The following ROBO1 variants were observed in gnomAD, a reference collection of about 807,000 sequenced individuals.
The protein encoded by ROBO1 is roundabout guidance receptor 1.
Under a neutral mutation model 195.9 loss-of-function variants are expected in ROBO1, and 149 were observed. That is an observed-to-expected ratio of 0.76 (90% CI 0.67 to 0.87). ROBO1 has a LOEUF of 0.87. ROBO1 is among the 40% of genes least tolerant of loss of function. The pLI is 0.00. For synonymous variants in ROBO1, 816 were observed against 733.2 expected (o/e 1.11, Z -1.82); for missense variants, 1,933 against 2,068.3 (o/e 0.93, Z 1.27).
rs142657121 is a variant in ROBO1 at position 79,431,736 on chromosome 3, T to C, written c.88+158088A>G. On this transcript the variant is annotated intron_variant, in intron 2 of 30. Coordinates refer to ENST00000464233, the MANE Select transcript of ROBO1 (RefSeq NM_002941.4). ...AAAATGACTCAATGAAGCTAAAGCATTGTGCAGGCAGGCATCTTCTAGCAA... is the reference window on the plus strand; with the variant it reads ...AAAATGACTCAATGAAGCTAAAGCACTGTGCAGGCAGGCATCTTCTAGCAA... 1.3e-4 allele frequency among the ~76,000 whole-genome samples: 20 copies of C among 152,280 alleles called. No homozygotes were observed. The East Asian group carries it at 3.7e-3, about 28-fold the overall frequency.
chr3:78,735,655 T>A (rs1024985470), intron 5 of ROBO1, among the ~76,000 whole-genome samples: 22 of 152,172 alleles, frequency 1.4e-4, no homozygotes, highest in Admixed American at 2.6e-4. Context: ...AAACCCTATA[T>A]ATTTAAAATA....
intron 3 of ROBO1, among the ~76,000 whole-genome samples, chr3:79,048,020 G>T (rs908838547): frequency 6.6e-6 from 1 of 152,112 alleles, no homozygotes; most frequent in South Asian, 2.1e-4. Context: ...TAGCTAAATA[G>T]AAACAGCCTT....
chr3:79,295,128 A>G (rs1369712133), intron 2 of ROBO1, among the ~76,000 whole-genome samples: 1 of 152,198 alleles, frequency 6.6e-6, no homozygotes, highest in Non-Finnish European at 1.5e-5. Context: ...AAATCATTCT[A>G]CTATAAAGAC....
At chr3:79,630,224 T>C (rs1576147665) in intron 1 of ROBO1, among the ~76,000 whole-genome samples, 1 of 152,062 alleles carries the variant, frequency 6.6e-6, no homozygotes, top group Non-Finnish European at 1.5e-5. Context: ...CTGATGAAAA[T>C]AGATGCAAAC....
chr3:79,255,274 T>C (rs1394401298), intron 2 of ROBO1, among the ~76,000 whole-genome samples: 2 of 152,168 alleles, frequency 1.3e-5, no homozygotes, highest in African/African-American at 4.8e-5. Flanking sequence ...GAGGATGGCT[T>C]GAGCCCAGGA....
intron 2 of ROBO1, among the ~76,000 whole-genome samples, chr3:79,393,146 A>G (rs912357364): frequency 1.8e-4 from 27 of 152,226 alleles, no homozygotes; most frequent in African/African-American, 6.3e-4. Flanking sequence ...TCATTTGGTC[A>G]TAGGTAGAAC....
In ROBO1 at chr3:78,857,789, C is replaced by T. The variant is rs1392315807; in HGVS notation, c.499+80812G>A. ...GGAATTGGTGAAACTAGATGGGAAC[C>T]CAGGTTGGTCTCCCTCTTTTGAAAT... On this transcript the variant is annotated intron_variant, in intron 4 of 30. Transcript: ENST00000464233. 3.3e-5 allele frequency among the ~76,000 whole-genome samples: 5 copies of T among 152,264 alleles called. 1 individual carries two copies. The East Asian group carries it at 9.7e-4, about 29-fold the overall frequency.
At chr3:79,463,668 A>G (rs1937783510) in intron 2 of ROBO1, among the ~76,000 whole-genome samples, 1 of 152,194 alleles carries the variant, frequency 6.6e-6, no homozygotes, top group Admixed American at 6.5e-5. Flanking sequence ...ACAGTGAATA[A>G]TCCTTCAGTC....
At chr3:79,726,386 A>G (rs1029244794) in intron 1 of ROBO1, among the ~76,000 whole-genome samples, 2 of 152,156 alleles carry the variant, frequency 1.3e-5, no homozygotes, top group Non-Finnish European at 2.9e-5. Context: ...CTTTATATAC[A>G]ATACTTTTGG....
chr3:79,731,959 C>A (rs1031665681), intron 1 of ROBO1, among the ~76,000 whole-genome samples: 7 of 152,090 alleles, frequency 4.6e-5, no homozygotes, highest in Non-Finnish European at 8.8e-5. Context: ...GGGATTCTGT[C>A]TGAGAATTGA....
chr3:79,600,293 GTTAGATTTATC>G (rs1363564478), intron 1 of ROBO1, among the ~76,000 whole-genome samples: 2 of 152,076 alleles, frequency 1.3e-5, no homozygotes, highest in African/African-American at 4.8e-5. Context: ...CCTCTGATGA[GTTAGATTTATC>G]TTAGACTGAT....
intron 2 of ROBO1, among the ~76,000 whole-genome samples, chr3:79,540,669 T>C (rs1305857871): frequency 6.6e-6 from 1 of 152,126 alleles, no homozygotes; most frequent in Non-Finnish European, 1.5e-5. Context: ...AACTCAACTG[T>C]CCGATTTCAC....
chr3:79,124,945 T>C (rs1423042223), intron 3 of ROBO1, among the ~76,000 whole-genome samples: 1 of 152,146 alleles, frequency 6.6e-6, no homozygotes, highest in African/African-American at 2.4e-5. Context: ...TCAGAAGTCG[T>C]TGGTGTATAA....
At chr3:78,684,446 G>A (rs2081004681) in intron 10 of ROBO1, among the ~76,000 whole-genome samples, 1 of 152,118 alleles carries the variant, frequency 6.6e-6, no homozygotes, top group African/African-American at 2.4e-5. Context: ...TCCATATCTT[G>A]ATCGGAGTGG....
At chr3:79,332,964 G>T (rs2034507374) in intron 2 of ROBO1, among the ~76,000 whole-genome samples, 1 of 152,150 alleles carries the variant, frequency 6.6e-6, no homozygotes, top group Non-Finnish European at 1.5e-5. Context: ...CACGTTGGGA[G>T]TCTGAGGTGA....
intron 19 of ROBO1, among the ~76,000 whole-genome samples, chr3:78,651,238 A>G (rs2107617610): frequency 6.6e-6 from 1 of 152,302 alleles, no homozygotes; most frequent in East Asian, 1.9e-4. Flanking sequence ...TCTGTAAGCA[A>G]CAGTACATCA....
chr3:79,627,583 AG>A (rs1288921625), intron 1 of ROBO1, among the ~76,000 whole-genome samples: 2 of 152,128 alleles, frequency 1.3e-5, no homozygotes, highest in Non-Finnish European at 2.9e-5. Flanking sequence ...TTTAGGACAT[AG>A]GCATATGCAA....
intron 2 of ROBO1, among the ~76,000 whole-genome samples, chr3:79,199,028 C>T (rs2081705249): frequency 6.6e-6 from 1 of 151,924 alleles, no homozygotes; most frequent in Admixed American, 6.6e-5. Context: ...ATTTATTTCT[C>T]TTGCCTGATT....
chr3:78,696,727 T>C (rs1308970087), intron 8 of ROBO1, among the ~76,000 whole-genome samples: 5 of 146,890 alleles, frequency 3.4e-5, no homozygotes, highest in East Asian at 4.0e-4. Flanking sequence ...TATATATACA[T>C]GTATATATAC....
Sources: gnomAD v4.1 joint callset for allele counts (sites outside exome capture counted in the v4.1 genomes callset) on GRCh38, gnomAD v4.1.1 for gene constraint, MANE v1.5 for transcripts, NCBI Gene and HGNC (gene_info 2026-07-23, HGNC 2026-07-21) for gene names.